Variants in GPC5 observed in about 807,000 individuals in gnomAD.
GPC5 encodes glypican 5.
In GPC5, 47 loss-of-function variants were observed where a neutral mutation model predicts 53.9. The ratio of observed to expected loss-of-function variants is 0.87; its 90% confidence interval spans 0.69 to 1.11. GPC5 has a LOEUF of 1.11. Among genes scored for constraint, GPC5 ranks in the 50% most tolerant of loss-of-function variants. The pLI is 0.00. For missense variants in GPC5, 748 were observed against 713.1 expected, an observed-to-expected ratio of 1.05 and a Z score of -0.56; for synonymous variants, 286 against 263.3, an observed-to-expected ratio of 1.09 and a Z score of -0.84.
intron 6 of GPC5, among the ~76,000 whole-genome samples, chr13:92,061,245 T>A (rs4403920): frequency 0.56 from 84,974 of 151,818 alleles, 24,209 homozygotes; most frequent in East Asian, 0.79. Flanking sequence ...ATAATAATCA[T>A]GGCAAGAGAA....
At chr13:92,150,891 TA>T (rs5805730) in intron 7 of GPC5, among the ~76,000 whole-genome samples, 44,172 of 144,838 alleles carry the variant, frequency 0.3, 7,272 homozygotes, top group South Asian at 0.59. Flanking sequence ...ATAGAGGAAG[TA>T]AAAAAAAAAA....
intron 7 of GPC5, among the ~76,000 whole-genome samples, chr13:92,297,550 T>C (rs2043045481): frequency 6.6e-6 from 1 of 152,088 alleles, no homozygotes; most frequent in Non-Finnish European, 1.5e-5. Context: ...AATGCACCAA[T>C]CGACACTCTG....
At chr13:92,583,926 G>C (rs1883450051) in intron 7 of GPC5, among the ~76,000 whole-genome samples, 1 of 152,128 alleles carries the variant, frequency 6.6e-6, no homozygotes, top group African/African-American at 2.4e-5. Flanking sequence ...CTCTCTGCCT[G>C]CTGCCATCCA....
At position 92,487,928 on chromosome 13, in the gene GPC5, G is replaced by A. The variant is rs148707986; in HGVS notation, c.1561+342939G>A. ...CTTTGATGAGAAGAGGTAAGGATTA[G>A]TGATTGGAAGGAAATATGAAGGGAA... On this transcript the variant is annotated intron_variant, in intron 7 of 7. Transcript: ENST00000377067. Among the ~76,000 whole-genome samples, 420 of 152,002 alleles carry A rather than the reference G, an allele frequency of 2.8e-3. 3 individuals are homozygous for A. Among genetic ancestry groups the A allele is most frequent in the African/African-American group, 9.8e-3 (407 of 41,468 alleles).
chr13:91,981,997 A>G (rs1183963295), intron 6 of GPC5, among the ~76,000 whole-genome samples: 6 of 152,216 alleles, frequency 3.9e-5, no homozygotes, highest in Non-Finnish European at 8.8e-5. Flanking sequence ...AAAGGGAGGC[A>G]GGAGTCTGTT....
At chr13:92,852,228 G>T (rs774921734) in intron 7 of GPC5, among the ~76,000 whole-genome samples, 4 of 152,134 alleles carry the variant, frequency 2.6e-5, no homozygotes, top group Non-Finnish European at 5.9e-5. Context: ...CACTCACAAA[G>T]AGGGGAACGT....
intron 7 of GPC5, among the ~76,000 whole-genome samples, chr13:92,377,675 A>AT (rs934735661): frequency 2.0e-5 from 3 of 152,062 alleles, no homozygotes; most frequent in African/African-American, 7.2e-5. Flanking sequence ...ATCACATATT[A>AT]TTTTTTTACT....
chr13:92,056,400 A>G (rs2041074929), intron 6 of GPC5, among the ~76,000 whole-genome samples: 1 of 152,120 alleles, frequency 6.6e-6, no homozygotes, highest in African/African-American at 2.4e-5. Flanking sequence ...CACAACCACA[A>G]AGTCCCTTTT....
chr13:92,053,172 T>C (rs1484414317), intron 6 of GPC5, among the ~76,000 whole-genome samples: 1 of 152,168 alleles, frequency 6.6e-6, no homozygotes, highest in East Asian at 1.9e-4. Context: ...CAGGAACATG[T>C]GAAAATGAGG....
chr13:92,750,830 C>T (rs941372927), intron 7 of GPC5, among the ~76,000 whole-genome samples: 1 of 152,126 alleles, frequency 6.6e-6, no homozygotes, highest in Non-Finnish European at 1.5e-5. Flanking sequence ...GAGCTATTAG[C>T]TAACCCATCA....
intron 7 of GPC5, among the ~76,000 whole-genome samples, chr13:92,850,611 A>G (rs1878762501): frequency 6.6e-6 from 1 of 152,158 alleles, no homozygotes; most frequent in Non-Finnish European, 1.5e-5. Context: ...GAAAGAAAAA[A>G]AAAATCATAC....
At chr13:92,721,302 T>C (rs1001256873) in intron 7 of GPC5, among the ~76,000 whole-genome samples, 3 of 151,974 alleles carry the variant, frequency 2.0e-5, no homozygotes, top group Non-Finnish European at 2.9e-5. Flanking sequence ...CTCCAGAATA[T>C]AATGTAAGAC....
At chr13:92,143,879 C>G (rs1484976564) in intron 6 of GPC5, among the ~76,000 whole-genome samples, 1 of 152,064 alleles carries the variant, frequency 6.6e-6, no homozygotes, top group Non-Finnish European at 1.5e-5. Flanking sequence ...AGTAACAACC[C>G]TAAGTCTTTC....
intron 7 of GPC5, among the ~76,000 whole-genome samples, chr13:92,386,389 G>A (rs1204708494): frequency 6.6e-6 from 1 of 151,952 alleles, no homozygotes; most frequent in Non-Finnish European, 1.5e-5. Context: ...TATGACCAAT[G>A]TACTTTGAAT....
intron 7 of GPC5, among the ~76,000 whole-genome samples, chr13:92,199,997 C>T (rs543920269): frequency 3.9e-4 from 60 of 152,146 alleles, no homozygotes; most frequent in Non-Finnish European, 8.1e-4. Flanking sequence ...TGCTGAAAAA[C>T]ACTTATACTT....
chr13:91,760,305 A>G (rs916792442), intron 5 of GPC5, among the ~76,000 whole-genome samples: 2 of 152,174 alleles, frequency 1.3e-5, no homozygotes, highest in Admixed American at 6.6e-5. Context: ...CACTGTTACA[A>G]TCTTAAATTA....
chr13:91,718,171 C>T (rs989938876), intron 3 of GPC5, among the ~76,000 whole-genome samples: 1 of 151,754 alleles, frequency 6.6e-6, no homozygotes, highest in African/African-American at 2.4e-5. Context: ...AGTGCAGTGG[C>T]GCGATCTCGG....
chr13:91,853,999 AT>A (rs1485094945), intron 5 of GPC5, among the ~76,000 whole-genome samples: 2 of 151,072 alleles, frequency 1.3e-5, no homozygotes, highest in African/African-American at 2.4e-5. Flanking sequence ...CACTATGGTT[AT>A]TTTTTTTCCT....
chr13:91,518,750 T>C (rs1885643308), intron 2 of GPC5, among the ~76,000 whole-genome samples: 1 of 152,178 alleles, frequency 6.6e-6, no homozygotes, highest in East Asian at 1.9e-4. Context: ...ACATGGGGTT[T>C]CACAGTGTTA....
Sources: gnomAD v4.1 joint callset for allele counts (sites outside exome capture counted in the v4.1 genomes callset) on GRCh38, gnomAD v4.1.1 for gene constraint, MANE v1.5 for transcripts, NCBI Gene and HGNC (gene_info 2026-07-23, HGNC 2026-07-21) for gene names.